Variants in CNTN4 observed in about 807,000 individuals in gnomAD.
The protein encoded by CNTN4 is contactin-4.
CNTN4 carries 77 observed loss-of-function variants against 122.5 expected under a neutral mutation model. The ratio of observed to expected loss-of-function variants is 0.63; its 90% CI spans 0.52 to 0.76. CNTN4 has a LOEUF of 0.76. Among genes scored for constraint, CNTN4 ranks in the 30% least tolerant of loss-of-function variants. The pLI is 0.00. For synonymous variants in CNTN4, 512 were observed against 447.0 expected, an observed-to-expected ratio of 1.15 and a Z score of -1.83; for missense variants, 1,256 against 1,259.1, an observed-to-expected ratio of 1.00 and a Z score of 0.04.
chr3:2,103,911 T>C (rs1456913964), intron 2 of CNTN4, among the ~76,000 whole-genome samples: 2 of 152,178 alleles, frequency 1.3e-5, no homozygotes, highest in Admixed American at 6.5e-5. Context: ...TGGTTCCCAG[T>C]GGCTGCAGTG....
intron 2 of CNTN4, among the ~76,000 whole-genome samples, chr3:2,249,510 G>A (rs1282346744): frequency 6.6e-6 from 1 of 151,924 alleles, no homozygotes. Flanking sequence ...CTTATTTTTG[G>A]TTATAGAATG....
At chr3:2,122,016 C>T (rs1446655554) in intron 2 of CNTN4, among the ~76,000 whole-genome samples, 5 of 134,878 alleles carry the variant, frequency 3.7e-5, no homozygotes, top group Admixed American at 1.7e-4. Flanking sequence ...ATTAGCCGGG[C>T]GTGGTGGCGG....
intron 4 of CNTN4, among the ~76,000 whole-genome samples, chr3:2,583,367 T>G (rs1467548834): frequency 7.2e-5 from 11 of 152,238 alleles, no homozygotes; most frequent in African/African-American, 2.7e-4. Context: ...ATTAATTCAT[T>G]TGCCCAAGTT....
intron 3 of CNTN4, among the ~76,000 whole-genome samples, chr3:2,496,699 AGTC>A (rs1309773530): frequency 6.6e-6 from 1 of 152,200 alleles, no homozygotes; most frequent in African/African-American, 2.4e-5. Flanking sequence ...CCTTTTCCAA[AGTC>A]ACTAAGGAAG....
At chr3:2,732,547 C>T (rs554499932) in intron 4 of CNTN4, among the ~76,000 whole-genome samples, 79 of 151,366 alleles carry the variant, frequency 5.2e-4, no homozygotes, top group Non-Finnish European at 1.1e-3. Flanking sequence ...GCTTTGAAAA[C>T]GGTAAATGCA....
intron 3 of CNTN4, among the ~76,000 whole-genome samples, chr3:2,451,369 A>G (rs950137633): frequency 6.6e-6 from 1 of 151,786 alleles, no homozygotes; most frequent in Non-Finnish European, 1.5e-5. Flanking sequence ...CAAGCTTCAT[A>G]CATTTTATTT....
intron 4 of CNTN4, among the ~76,000 whole-genome samples, chr3:2,643,123 A>G (rs942518791): frequency 2.0e-5 from 3 of 152,184 alleles, no homozygotes; most frequent in African/African-American, 7.2e-5. Flanking sequence ...TCTATGTATT[A>G]ATCTCTTCTC....
chr3:2,355,002 G>A (rs1249755122), intron 3 of CNTN4, among the ~76,000 whole-genome samples: 2 of 152,214 alleles, frequency 1.3e-5, no homozygotes, highest in Non-Finnish European at 2.9e-5. Context: ...TAGCCTCCCA[G>A]TGGATAAGCC....
intron 13 of CNTN4, among the ~76,000 whole-genome samples, chr3:2,951,425 G>T (rs562344807): frequency 6.6e-6 from 1 of 152,184 alleles, no homozygotes; most frequent in Non-Finnish European, 1.5e-5. Context: ...ACAGAAGGCG[G>T]AGCACAGACT....
intron 4 of CNTN4, among the ~76,000 whole-genome samples, chr3:2,730,789 G>T (rs1016125226): frequency 1.3e-5 from 2 of 151,896 alleles, no homozygotes; most frequent in African/African-American, 4.8e-5. Flanking sequence ...ATTTTTCTCT[G>T]CTCAGCCTCA....
Position 2,851,072 on chromosome 3 carries a change from TGTTAA to T in CNTN4, c.455-15674_455-15670del, listed in dbSNP as rs1199863407. On this transcript the variant is annotated intron_variant, in intron 7 of 24. Transcript: ENST00000418658. ...AAATCGAAGGTGGGTACAATGTATT[TGTTAA>T]GTTAACAACATCAGTTATGTATTGT... Among the ~76,000 whole-genome samples the T allele has an allele frequency of 6.6e-5, 10 of 152,232 alleles. No homozygotes were observed. The East Asian group carries it at 1.3e-3, about 20-fold the overall frequency.
intron 4 of CNTN4, among the ~76,000 whole-genome samples, chr3:2,618,523 A>AT (rs1373109261): frequency 1.3e-5 from 2 of 152,122 alleles, no homozygotes; most frequent in Non-Finnish European, 2.9e-5. Context: ...CACTCACTTC[A>AT]TTTTTACAAC....
intron 6 of CNTN4, among the ~76,000 whole-genome samples, chr3:2,779,882 T>C (rs1410349761): frequency 6.6e-6 from 1 of 152,228 alleles, no homozygotes; most frequent in Non-Finnish European, 1.5e-5. Context: ...AGAGTAGCAA[T>C]ACGTTATTTC....
chr3:2,516,458 T>C (rs1452803130), intron 3 of CNTN4, among the ~76,000 whole-genome samples: 1 of 152,150 alleles, frequency 6.6e-6, no homozygotes, highest in Non-Finnish European at 1.5e-5. Flanking sequence ...GACATTGCTT[T>C]TGGTTTTAAT....
chr3:2,546,661 A>T (rs1319337455), intron 3 of CNTN4, among the ~76,000 whole-genome samples: 1 of 151,984 alleles, frequency 6.6e-6, no homozygotes, highest in African/African-American at 2.4e-5. Flanking sequence ...ATGAAAATTT[A>T]AAAAAAACAA....
chr3:2,486,193 G>A (rs1575744713), intron 3 of CNTN4, among the ~76,000 whole-genome samples: 2 of 152,072 alleles, frequency 1.3e-5, no homozygotes, highest in South Asian at 2.1e-4. Context: ...TGAAGCCCGC[G>A]AGATCAGGAA....
At chr3:2,537,114 G>A (rs976200565) in intron 3 of CNTN4, among the ~76,000 whole-genome samples, 3 of 152,056 alleles carry the variant, frequency 2.0e-5, no homozygotes, top group African/African-American at 4.8e-5. Context: ...ATTTTGGGGG[G>A]AATATTGTGT....
At chr3:2,633,384 T>C (rs2082527231) in intron 4 of CNTN4, among the ~76,000 whole-genome samples, 1 of 152,198 alleles carries the variant, frequency 6.6e-6, no homozygotes, top group African/African-American at 2.4e-5. Flanking sequence ...TTCAGTGCTA[T>C]GCGTCCAAAT....
chr3:2,340,710 T>TAGAGAGAGAGAGAGAGAGAGAGGGGG lies in CNTN4; in HGVS notation c.-89+1499_-89+1500insGGGGAGAGAGAGAGAGAGAGAGAGAG, dbSNP rs1553627559. ...TTATATATATATATATATATATATA[T>TAGAGAGAGAGAGAGAGAGAGAGGGGG]AGAGAGAGAGAGAGAGAGAGAGAGA... is the stretch of plus-strand genomic sequence containing the variant. On this transcript the variant is annotated intron_variant, in intron 3 of 24. Coordinates refer to ENST00000418658, the MANE Select transcript of CNTN4 (RefSeq NM_175607.3). 3.5e-3 allele frequency among the ~76,000 whole-genome samples: 64 copies of TAGAGAGAGAGAGAGAGAGAGAGGGGG among 18,304 alleles called. 2 individuals carry two copies. Among genetic ancestry groups the TAGAGAGAGAGAGAGAGAGAGAGGGGG allele is most frequent in the African/African-American group, 5.6e-3 (56 of 9,978 alleles). 12.0% of individuals were successfully genotyped at this position (18,304 alleles called of 152,430 possible). A position where few individuals can be genotyped will look rare whatever the true frequency, so the allele number is the denominator to read the frequency against.
Sources: gnomAD v4.1 joint callset for allele counts (sites outside exome capture counted in the v4.1 genomes callset) on GRCh38, gnomAD v4.1.1 for gene constraint, MANE v1.5 for transcripts, NCBI Gene and HGNC (gene_info 2026-07-23, HGNC 2026-07-21) for gene names.